Variants in RAD51B observed in about 807,000 individuals in gnomAD.
The protein encoded by RAD51B is DNA repair protein RAD51 homolog 2.
Under a neutral mutation model 42.2 loss-of-function variants are expected in RAD51B, and 38 were observed. The ratio of observed to expected loss-of-function variants is 0.90; its 90% CI spans 0.70 to 1.18. RAD51B has a LOEUF of 1.18. Among genes scored for constraint, RAD51B ranks in the 50% most tolerant of loss-of-function variants. RAD51B has a pLI of 0.00. For synonymous variants in RAD51B, 154 were observed against 145.2 expected (o/e 1.06, Z -0.43); for missense variants, 373 against 400.7 (o/e 0.93, Z 0.59).
Position 68,040,298 on chromosome 14 carries a change from C to T in RAD51B, c.756+153094C>T, listed in dbSNP as rs191546389. On this transcript the variant is annotated intron_variant, in intron 7 of 10. Transcript: ENST00000471583. ...CTAACCCTGGTATTAATTGATGTTTCCCAAACTTTAGTCAACTGAGTATCA... is the reference window on the plus strand; with the variant it reads ...CTAACCCTGGTATTAATTGATGTTTTCCAAACTTTAGTCAACTGAGTATCA... Among the ~76,000 whole-genome samples the T allele has an allele frequency of 5.7e-3, 872 of 152,280 alleles. 3 individuals carry two copies. Among genetic ancestry groups the T allele is most frequent in the Non-Finnish European group, 9.4e-3 (642 of 68,012 alleles).
chr14:67,957,997 T>C (rs1016747675), intron 7 of RAD51B, among the ~76,000 whole-genome samples: 1 of 152,228 alleles, frequency 6.6e-6, no homozygotes, highest in African/African-American at 2.4e-5. Flanking sequence ...GAATATTATA[T>C]GTATTATACA....
chr14:68,202,503 C>T (rs1468192179), intron 7 of RAD51B, among the ~76,000 whole-genome samples: 1 of 149,584 alleles, frequency 6.7e-6, no homozygotes, highest in Non-Finnish European at 1.5e-5. Context: ...ATGATGTTCA[C>T]AGCACCTTCA....
At chr14:68,655,545 G>T (rs934962587) in intron 11 of RAD51B, among the ~76,000 whole-genome samples, 17 of 152,190 alleles carry the variant, frequency 1.1e-4, no homozygotes, top group Non-Finnish European at 4.4e-5. Context: ...GCAGGCGTGT[G>T]GGGGAGATGG....
At chr14:68,261,894 A>G (rs532073217) in intron 7 of RAD51B, among the ~76,000 whole-genome samples, 14 of 152,238 alleles carry the variant, frequency 9.2e-5, no homozygotes, top group African/African-American at 3.4e-4. Context: ...GAGCAAGGAA[A>G]TCTGTGGCAG....
intron 8 of RAD51B, among the ~76,000 whole-genome samples, chr14:68,360,537 A>T (rs1319952386): frequency 1.3e-5 from 2 of 152,190 alleles, no homozygotes; most frequent in Non-Finnish European, 2.9e-5. Flanking sequence ...TGTGCCATGT[A>T]CTAGGTCTTT....
At chr14:68,049,771 C>T (rs964063689) in intron 7 of RAD51B, among the ~76,000 whole-genome samples, 2 of 152,196 alleles carry the variant, frequency 1.3e-5, no homozygotes, top group African/African-American at 4.8e-5. Flanking sequence ...CTGCTCACTG[C>T]CTTAATACCC....
In RAD51B at chr14:68,434,692, C is replaced by T. The variant is rs866938373; in HGVS notation, c.957+23165C>T. On this transcript the variant is annotated intron_variant, in intron 9 of 10. Coordinates refer to ENST00000471583, the MANE Select transcript of RAD51B (RefSeq NM_133510.4). Reference sequence around the variant, plus strand: ...GAATTCCCTGACCCCTTGCACTTCCCGGGTGAGGCGATGCCTCGCCCTGCT... The same window carrying T: ...GAATTCCCTGACCCCTTGCACTTCCTGGGTGAGGCGATGCCTCGCCCTGCT... Among the ~76,000 whole-genome samples the T allele has an allele frequency of 6.6e-5, 10 of 152,298 alleles. No homozygotes were observed. In the South Asian group the frequency reaches 1.7e-3, roughly 25 times the overall value.
chr14:68,562,273 G>C, intron 10 of RAD51B: 3 of 985,388 alleles, frequency 3.0e-6, no homozygotes, highest in Non-Finnish European at 3.6e-6. Context: ...CCAGATCTTT[G>C]CAACGGAAAA....
intron 7 of RAD51B, among the ~76,000 whole-genome samples, chr14:68,068,841 G>A (rs2076696489): frequency 6.6e-6 from 1 of 152,118 alleles, no homozygotes. Flanking sequence ...GTTGGAGAAT[G>A]GAAGATGGGA....
intron 8 of RAD51B, among the ~76,000 whole-genome samples, chr14:68,331,368 A>AAAAAAAAAAAAC (rs2082346517): frequency 8.6e-6 from 1 of 116,054 alleles, no homozygotes; most frequent in African/African-American, 3.8e-5. Context: ...ACTCTGTCTC[A>AAAAAAAAAAAAC]AAAAAAAAAA....
At chr14:68,170,269 G>T (rs1023140546) in intron 7 of RAD51B, among the ~76,000 whole-genome samples, 3 of 152,088 alleles carry the variant, frequency 2.0e-5, no homozygotes, top group African/African-American at 4.8e-5. Flanking sequence ...GAAAGCAAAG[G>T]CCTCATTTCC....
At chr14:68,194,741 A>C (rs775682095) in intron 7 of RAD51B, among the ~76,000 whole-genome samples, 1 of 152,234 alleles carries the variant, frequency 6.6e-6, no homozygotes, top group Non-Finnish European at 1.5e-5. Context: ...CAGTGTGGTA[A>C]AAGAGGACTT....
At chr14:68,448,340 A>G (rs559564385) in intron 9 of RAD51B, among the ~76,000 whole-genome samples, 19 of 152,368 alleles carry the variant, frequency 1.2e-4, no homozygotes, top group African/African-American at 3.6e-4. Context: ...AAGTACAGGC[A>G]TTTAAGCCAC....
intron 10 of RAD51B, among the ~76,000 whole-genome samples, chr14:68,608,781 C>T (rs1248784571): frequency 6.6e-6 from 1 of 152,176 alleles, no homozygotes; most frequent in Non-Finnish European, 1.5e-5. Context: ...CAGGTGCTAT[C>T]GCTGAATGAA....
chr14:67,900,756 TTATAA>T (rs1196883664), intron 7 of RAD51B, among the ~76,000 whole-genome samples: 1 of 152,048 alleles, frequency 6.6e-6, no homozygotes, highest in Non-Finnish European at 1.5e-5. Flanking sequence ...GTTGAAATTG[TTATAA>T]TATGAAGTTT....
chr14:68,247,255 C>T (rs140085069), intron 7 of RAD51B, among the ~76,000 whole-genome samples: 123 of 151,462 alleles, frequency 8.1e-4, no homozygotes, highest in Non-Finnish European at 1.4e-3. Context: ...AAAACTTCAG[C>T]TTGAAAAAAA....
intron 10 of RAD51B, among the ~76,000 whole-genome samples, chr14:68,645,396 C>T (rs1892543829): frequency 6.6e-6 from 1 of 152,196 alleles, no homozygotes; most frequent in African/African-American, 2.4e-5. Context: ...TCCATTCATT[C>T]ATCGACAGAC....
chr14:68,586,975 G>T (rs1235180505), intron 10 of RAD51B, among the ~76,000 whole-genome samples: 1 of 151,766 alleles, frequency 6.6e-6, no homozygotes, highest in East Asian at 1.9e-4. Flanking sequence ...ATTGCAGTGA[G>T]CCGAGATCGC....
At chr14:67,897,239 A>G (rs1161696665) in intron 7 of RAD51B, among the ~76,000 whole-genome samples, 3 of 152,194 alleles carry the variant, frequency 2.0e-5, no homozygotes, top group African/African-American at 7.2e-5. Context: ...GCAAAAATAG[A>G]CAAATGGAAC....
Sources: allele counts gnomAD v4.1 joint callset (sites outside exome capture counted in the v4.1 genomes callset), GRCh38; gene constraint gnomAD v4.1.1; transcripts MANE v1.5; gene names NCBI Gene and HGNC (gene_info 2026-07-23, HGNC 2026-07-21).